FCN2: variants seen among roughly 807,000 people sequenced by gnomAD.
FCN2 encodes ficolin 2, also known as ficolin-2.
Under a neutral mutation model 32.5 loss-of-function variants are expected in FCN2, and 31 were observed. That is an observed-to-expected ratio of 0.96 (90% CI 0.72 to 1.29). FCN2 has a LOEUF of 1.29. Among genes scored for constraint, FCN2 ranks in the 50% most tolerant of loss-of-function variants. The probability of loss-of-function intolerance (pLI) is 0.00; values close to 1 mark genes in which losing one functional copy is unlikely to be tolerated. For synonymous variants in FCN2, 181 were observed against 164.5 expected, an observed-to-expected ratio of 1.10 and a Z score of -0.77; for missense variants, 412 against 406.5, an observed-to-expected ratio of 1.01 and a Z score of -0.12.
At chr9:134,875,350 C>T in the FCN2 span, among the ~76,000 whole-genome samples, 2 of 152,184 alleles carry the variant, frequency 1.3e-5, no homozygotes, top group Non-Finnish European at 2.9e-5. Flanking sequence ...AGCTTCCTTC[C>T]GTGGTAGACA....
chr9:134,887,159 C>G lies in FCN2; in HGVS notation c.695-9C>G. ...GCCTGTAACGATGCTCACATTTCCT[C>G]CTGCACAGGAGATTCCCTGACGTTC... On this transcript the variant is annotated splice_polypyrimidine_tract_variant and intron_variant, in intron 7 of 7. Transcript: ENST00000291744. 6.2e-7 allele frequency: 1 copy of G among 1,614,046 alleles called. No individual in the cohort carries two copies. Among genetic ancestry groups the G allele is most frequent in the Non-Finnish European group, 8.5e-7 (1 of 1,179,986 alleles).
At chr9:134,867,556 G>A in the FCN2 span, among the ~76,000 whole-genome samples, 1 of 149,808 alleles carries the variant, frequency 6.7e-6, no homozygotes, top group Admixed American at 6.7e-5. Context: ...CGAGTTAGTG[G>A]GTGCAGCACA....
intron 3 of FCN2, among the ~76,000 whole-genome samples, chr9:134,884,506 C>T (rs1244227382): frequency 6.6e-6 from 1 of 152,156 alleles, no homozygotes; most frequent in Non-Finnish European, 1.5e-5. Context: ...GGGATGGTGG[C>T]CTCTGCTTCC....
chr9:134,882,233 GA>G (rs956224732), intron 1 of FCN2, among the ~76,000 whole-genome samples: 4 of 152,258 alleles, frequency 2.6e-5, no homozygotes, highest in African/African-American at 9.6e-5. Flanking sequence ...CAGTACTGAG[GA>G]AGTAAGGTTT....
At chr9:134,881,701 G>A (rs1306362679) in intron 1 of FCN2, among the ~76,000 whole-genome samples, 7 of 152,186 alleles carry the variant, frequency 4.6e-5, no homozygotes, top group Admixed American at 3.9e-4. Flanking sequence ...CGCATTCAAG[G>A]AGCAATCCGT....
In FCN2 at chr9:134,887,432, G is replaced by T; in HGVS notation, c.*17G>T. On this transcript the variant is annotated 3_prime_UTR_variant, in exon 8 of 8. Coordinates refer to ENST00000291744, the MANE Select transcript of FCN2 (RefSeq NM_004108.3). ...CCTGCCTAGCCCAGGCCGGCCTCAG[G>T]GTCAGGACGCCTCCACACATAGTTG... is the stretch of plus-strand genomic sequence containing the variant. 2 of 1,613,538 alleles carry T rather than the reference G, an allele frequency of 1.2e-6. No individual in the cohort carries two copies. The highest frequency in any genetic ancestry group is 2.7e-5 in the African/African-American group (2 of 75,032).
At chr9:134,878,351 T>C (rs558129466), upstream of FCN2, among the ~76,000 whole-genome samples, 3 of 152,182 alleles carry the variant, frequency 2.0e-5, no homozygotes, top group Non-Finnish European at 1.5e-5. Flanking sequence ...TGCCCTTCTC[T>C]GAGCCTCAGC....
At chr9:134,874,370 G>T in the FCN2 span, among the ~76,000 whole-genome samples, 1 of 151,986 alleles carries the variant, frequency 6.6e-6, no homozygotes, top group East Asian at 1.9e-4. Context: ...TGAGAGCTAT[G>T]ATCTATTTCA....
upstream of FCN2, among the ~76,000 whole-genome samples, chr9:134,880,498 G>A (rs754289482): frequency 6.6e-6 from 1 of 152,192 alleles, no homozygotes; most frequent in African/African-American, 2.4e-5. Flanking sequence ...CTTGTTCCCC[G>A]TTCTCAGCTC....
intron 3 of FCN2, among the ~76,000 whole-genome samples, chr9:134,883,590 C>T (rs1438144729): frequency 1.2e-5 from 1 of 86,520 alleles, no homozygotes; most frequent in African/African-American, 4.7e-5. Context: ...GGGAGCTGGT[C>T]TCAATGTGTG....
upstream of FCN2, among the ~76,000 whole-genome samples, chr9:134,875,926 T>C (rs977693469): frequency 1.3e-5 from 2 of 152,252 alleles, no homozygotes; most frequent in Admixed American, 6.5e-5. Context: ...TAAGATGTGG[T>C]AATTTGTTAC....
At chr9:134,873,002 T>A in the FCN2 span, among the ~76,000 whole-genome samples, 195 of 152,294 alleles carry the variant, frequency 1.3e-3, no homozygotes, top group African/African-American at 4.5e-3. Flanking sequence ...CATCACGTTT[T>A]GTTCCCGTTT....
At position 134,887,403 on chromosome 9, in the gene FCN2, G is replaced by T. The variant is rs765971288; in HGVS notation, c.930G>T (p.Val310=). The change falls in exon 8 of 8, where the codon GTG becomes GTT. Residue 310 remains valine, a synonymous_variant. Transcript: ENST00000291744. ...NYSYKVSEMK[V]RPA ...GCTACAAGGTGTCAGAGATGAAGGT[G>T]CGACCTGCCTAGCCCAGGCCGGCCT... 2 of 1,614,102 alleles carry T rather than the reference G, an allele frequency of 1.2e-6. No individual in the cohort carries two copies. Among genetic ancestry groups the T allele is most frequent in the Non-Finnish European group, 1.7e-6 (2 of 1,180,018 alleles).
At chr9:134,877,029 T>C (rs1023295860), upstream of FCN2, among the ~76,000 whole-genome samples, 23 of 152,388 alleles carry the variant, frequency 1.5e-4, no homozygotes, top group African/African-American at 5.0e-4. Context: ...GATCTCTTCC[T>C]AATAGTGATA....
chr9:134,883,788 T>G, intron 3 of FCN2, among the ~76,000 whole-genome samples: 1 of 124,156 alleles, frequency 8.1e-6, no homozygotes, highest in African/African-American at 3.1e-5. Flanking sequence ...GGGGGAGAGA[T>G]TCTGGGATGG....
At chr9:134,879,926 C>T (rs1410715240), upstream of FCN2, among the ~76,000 whole-genome samples, 2 of 152,130 alleles carry the variant, frequency 1.3e-5, no homozygotes, top group African/African-American at 4.8e-5. Flanking sequence ...GGGGCCCCAC[C>T]TGCTACTGTC....
chr9:134,880,521 G>T (rs553596007), upstream of FCN2, among the ~76,000 whole-genome samples: 2 of 152,228 alleles, frequency 1.3e-5, no homozygotes, highest in African/African-American at 4.8e-5. Context: ...GGTGACATCT[G>T]CTCACCGCTG....
the FCN2 span, among the ~76,000 whole-genome samples, chr9:134,874,439 A>G: frequency 6.6e-6 from 1 of 152,094 alleles, no homozygotes; most frequent in Non-Finnish European, 1.5e-5. Flanking sequence ...TACATATTCA[A>G]TTAGTCCAGC....
At chr9:134,876,309 A>G (rs535136253), upstream of FCN2, among the ~76,000 whole-genome samples, 60 of 152,292 alleles carry the variant, frequency 3.9e-4, no homozygotes, top group Non-Finnish European at 7.2e-4. Context: ...AGTAGTTGTA[A>G]CTTTCTGATT....
Sources: allele counts gnomAD v4.1 joint callset (sites outside exome capture counted in the v4.1 genomes callset), GRCh38; gene constraint gnomAD v4.1.1; transcripts MANE v1.5; gene names NCBI Gene and HGNC (gene_info 2026-07-23, HGNC 2026-07-21).